Variants in PVT1 observed in about 807,000 individuals in gnomAD.
PVT1 encodes the protein CXCR4/PVT1 fusion.
At chr8:128,058,487 C>T (rs1813789352) in intron 4 of PVT1, among the ~76,000 whole-genome samples, 1 of 151,692 alleles carries the variant, frequency 6.6e-6, no homozygotes, top group African/African-American at 2.4e-5. Context: ...ACTTTGACAT[C>T]ATCATGTGTA....
chr8:127,944,733 C>A (rs565143651), intron 3 of PVT1, among the ~76,000 whole-genome samples: 1 of 152,266 alleles, frequency 6.6e-6, no homozygotes, highest in Admixed American at 6.5e-5. Context: ...GGATGCCTCA[C>A]TGGTAACAGT....
At chr8:128,013,444 CTTTCTA>C (rs1180819733) in intron 4 of PVT1, among the ~76,000 whole-genome samples, 2 of 152,078 alleles carry the variant, frequency 1.3e-5, no homozygotes, top group African/African-American at 4.8e-5. Context: ...CATATCATCA[CTTTCTA>C]TTTCTATTAT....
At chr8:127,801,148 T>A (rs1305995746) in intron 2 of PVT1, among the ~76,000 whole-genome samples, 3 of 152,238 alleles carry the variant, frequency 2.0e-5, no homozygotes, top group Non-Finnish European at 2.9e-5. Context: ...CCGAGCAGCA[T>A]GCAGTGTGCA....
intron 2 of PVT1, among the ~76,000 whole-genome samples, chr8:127,827,056 C>T (rs1814797839): frequency 7.5e-6 from 1 of 132,708 alleles, no homozygotes; most frequent in Non-Finnish European, 1.5e-5. Flanking sequence ...AGTGCAGTGG[C>T]ACCATCTTGG....
intron 3 of PVT1, among the ~76,000 whole-genome samples, chr8:127,968,715 G>C (rs1368320369): frequency 1.3e-5 from 2 of 152,158 alleles, no homozygotes; most frequent in African/African-American, 4.8e-5. Context: ...GGATCTTTGA[G>C]GGCGTAATAA....
At chr8:128,026,735 C>T (rs1347220462) in intron 4 of PVT1, among the ~76,000 whole-genome samples, 1 of 152,186 alleles carries the variant, frequency 6.6e-6, no homozygotes, top group Non-Finnish European at 1.5e-5. Context: ...AAATATTGGC[C>T]TTCTCCTTAT....
chr8:127,819,125 C>G (rs1814700133), intron 2 of PVT1, among the ~76,000 whole-genome samples: 1 of 152,188 alleles, frequency 6.6e-6, no homozygotes, highest in Non-Finnish European at 1.5e-5. Context: ...CACACTGGTA[C>G]TGGGGCTATA....
chr8:127,902,381 T>C (rs1184387619), intron 3 of PVT1, among the ~76,000 whole-genome samples: 1 of 151,996 alleles, frequency 6.6e-6, no homozygotes, highest in Non-Finnish European at 1.5e-5. Context: ...CGAGGCTGCA[T>C]GTTCTGGAGC....
At chr8:128,039,954 C>T (rs184645499) in intron 4 of PVT1, among the ~76,000 whole-genome samples, 44 of 152,306 alleles carry the variant, frequency 2.9e-4, no homozygotes, top group African/African-American at 9.4e-4. Context: ...TTATCCTGTG[C>T]AACTACAGAA....
intron 5 of PVT1, among the ~76,000 whole-genome samples, chr8:128,094,063 G>A (rs1814396880): frequency 6.6e-6 from 1 of 152,132 alleles, no homozygotes; most frequent in African/African-American, 2.4e-5. Flanking sequence ...TTAATGCCAT[G>A]TCAGCAGCAT....
chr8:127,880,585 C>G (rs1313386857), intron 2 of PVT1, among the ~76,000 whole-genome samples: 1 of 145,750 alleles, frequency 6.9e-6, no homozygotes, highest in East Asian at 2.0e-4. Context: ...CATGAGCCAT[C>G]GCCCCCGGCC....
chr8:128,084,871 A>T (rs927956547), intron 5 of PVT1, among the ~76,000 whole-genome samples: 14 of 152,232 alleles, frequency 9.2e-5, no homozygotes, highest in African/African-American at 3.4e-4. Context: ...GCATTGGTTT[A>T]AAAATCCTAT....
chr8:127,820,702 GT>G (rs900705045), intron 2 of PVT1, among the ~76,000 whole-genome samples: 44 of 144,640 alleles, frequency 3.0e-4, no homozygotes, highest in Admixed American at 1.5e-3. Context: ...CTTAGGTTTT[GT>G]TTTTTTTTTT....
intron 3 of PVT1, among the ~76,000 whole-genome samples, chr8:127,920,441 C>T (rs1215680215): frequency 1.3e-5 from 2 of 152,178 alleles, no homozygotes; most frequent in African/African-American, 4.8e-5. Context: ...GTTAATTAAC[C>T]TCTCTGTGCC....
chr8:127,833,113 G>A (rs1395986659), intron 2 of PVT1, among the ~76,000 whole-genome samples: 1 of 152,162 alleles, frequency 6.6e-6, no homozygotes, highest in Non-Finnish European at 1.5e-5. Context: ...TGGGGCTCTG[G>A]TCTCAGCCTT....
At chr8:127,809,052 A>AAAAAAAAAG (rs1554588311) in intron 2 of PVT1, among the ~76,000 whole-genome samples, 7 of 135,026 alleles carry the variant, frequency 5.2e-5, no homozygotes, top group South Asian at 2.3e-4. Flanking sequence ...AAAAAAAAAA[A>AAAAAAAAAG]AAAGAAAGAA....
intron 3 of PVT1, among the ~76,000 whole-genome samples, chr8:127,968,203 C>T (rs911540908): frequency 2.0e-5 from 3 of 152,144 alleles, no homozygotes; most frequent in South Asian, 2.1e-4. Flanking sequence ...GGGGTGTATA[C>T]GTCCCTTTTC....
intron 4 of PVT1, among the ~76,000 whole-genome samples, chr8:128,046,510 C>T (rs1054846591): frequency 3.3e-5 from 5 of 152,178 alleles, no homozygotes; most frequent in Non-Finnish European, 4.4e-5. Flanking sequence ...CCCACATGGC[C>T]GAGAGTCTTC....
intron 2 of PVT1, among the ~76,000 whole-genome samples, chr8:127,879,549 A>G (rs1815442107): frequency 6.6e-6 from 1 of 151,902 alleles, no homozygotes; most frequent in African/African-American, 2.4e-5. Flanking sequence ...AACAAAACAA[A>G]ACAAACAAAC....
Sources: allele counts gnomAD v4.1 joint callset (sites outside exome capture counted in the v4.1 genomes callset), GRCh38; gene constraint gnomAD v4.1.1; transcripts MANE v1.5; gene names NCBI Gene and HGNC (gene_info 2026-07-23, HGNC 2026-07-21).